Variants in RANBP2 observed in about 807,000 individuals in gnomAD.
RANBP2 encodes the protein E3 SUMO-protein ligase RanBP2.
In RANBP2, 57 loss-of-function variants were observed where a neutral mutation model predicts 303.6. The ratio of observed to expected loss-of-function variants is 0.19; its 90% CI spans 0.15 to 0.23. RANBP2 has a LOEUF of 0.23. RANBP2 is among the 10% of genes least tolerant of loss of function. The pLI is 1.00. For synonymous variants in RANBP2, 1,167 were observed against 1,301.5 expected, an observed-to-expected ratio of 0.90 and a Z score of 2.23; for missense variants, 3,138 against 3,780.8, an observed-to-expected ratio of 0.83 and a Z score of 4.46.
At chr2:108,814,304 C>T in the RANBP2 span, among the ~76,000 whole-genome samples, 232 of 152,204 alleles carry the variant, frequency 1.5e-3, no homozygotes, top group Middle Eastern at 6.8e-3. Context: ...CATTTTGACC[C>T]TTCCAGTGGG....
the RANBP2 span, among the ~76,000 whole-genome samples, chr2:108,893,799 C>CTTA: frequency 6.6e-6 from 1 of 152,138 alleles, no homozygotes; most frequent in African/African-American, 2.4e-5. Flanking sequence ...TGGCACCACC[C>CTTA]TTATTATCCT....
At chr2:109,442,640 C>T in the RANBP2 span, among the ~76,000 whole-genome samples, 3 of 152,044 alleles carry the variant, frequency 2.0e-5, no homozygotes, top group African/African-American at 7.2e-5. Context: ...TACTATGAAT[C>T]TTTATGTTAT....
the RANBP2 span, among the ~76,000 whole-genome samples, chr2:109,158,013 A>G: frequency 6.6e-6 from 1 of 152,252 alleles, no homozygotes; most frequent in East Asian, 1.9e-4. Flanking sequence ...GGTATGTTCT[A>G]GTTCTGGGCT....
chr2:109,574,850 A>G, the RANBP2 span: 14 of 924,816 alleles, frequency 1.5e-5, no homozygotes, highest in South Asian at 2.6e-5. Flanking sequence ...TTTGAGGTCT[A>G]TATTTTCACT....
chr2:109,603,604 C>T, the RANBP2 span, among the ~76,000 whole-genome samples: 182 of 152,060 alleles, frequency 1.2e-3, 1 homozygote, highest in African/African-American at 4.1e-3. Context: ...TATTGTGGAT[C>T]GAAGCTGTAT....
chr2:109,719,267 T>G, the RANBP2 span, among the ~76,000 whole-genome samples: 1 of 149,948 alleles, frequency 6.7e-6, no homozygotes, highest in Non-Finnish European at 1.5e-5. Flanking sequence ...CGGCTAATTT[T>G]TTTTGTATTT....
At chr2:108,935,450 G>C in the RANBP2 span, among the ~76,000 whole-genome samples, 2 of 152,200 alleles carry the variant, frequency 1.3e-5, no homozygotes, top group Non-Finnish European at 2.9e-5. Context: ...GGTGGTCTGT[G>C]TGCACATTAA....
At chr2:108,799,213 T>C in the RANBP2 span, among the ~76,000 whole-genome samples, 1 of 152,210 alleles carries the variant, frequency 6.6e-6, no homozygotes, top group East Asian at 1.9e-4. Flanking sequence ...TTTGCCTGAT[T>C]GCTTCGTAAC....
chr2:109,197,389 T>C, the RANBP2 span, among the ~76,000 whole-genome samples: 12 of 152,218 alleles, frequency 7.9e-5, no homozygotes, highest in Admixed American at 7.8e-4. Context: ...CCTCTGCCAC[T>C]TGCAAGCTGT....
the RANBP2 span, among the ~76,000 whole-genome samples, chr2:109,560,007 G>A: frequency 7.0e-6 from 1 of 143,240 alleles, no homozygotes; most frequent in African/African-American, 2.6e-5. Context: ...CGCAAGCTCT[G>A]CCTCCTAGGT....
chr2:108,858,329 G>A, the RANBP2 span, among the ~76,000 whole-genome samples: 6 of 152,246 alleles, frequency 3.9e-5, no homozygotes, highest in African/African-American at 1.4e-4. Flanking sequence ...GGGTGCCAGA[G>A]TAAGTCTCCG....
the RANBP2 span, among the ~76,000 whole-genome samples, chr2:109,483,939 C>G: frequency 6.6e-6 from 1 of 152,178 alleles, no homozygotes. Flanking sequence ...TCAAGCCCCC[C>G]ACAACCCCCG....
chr2:109,453,799 G>A, the RANBP2 span, among the ~76,000 whole-genome samples: 1 of 152,188 alleles, frequency 6.6e-6, no homozygotes, highest in African/African-American at 2.4e-5. Context: ...GGGAACAGAG[G>A]GTCACCGACA....
chr2:109,565,173 T>C, the RANBP2 span, among the ~76,000 whole-genome samples: 1 of 151,730 alleles, frequency 6.6e-6, no homozygotes, highest in Non-Finnish European at 1.5e-5. Flanking sequence ...AAATGTTATA[T>C]TTTCTCAATT....
the RANBP2 span, among the ~76,000 whole-genome samples, chr2:109,718,602 G>C: frequency 1.3e-5 from 2 of 152,214 alleles, no homozygotes; most frequent in African/African-American, 2.4e-5. Context: ...CAGCTAACAA[G>C]TACCAGGTTT....
the RANBP2 span, among the ~76,000 whole-genome samples, chr2:109,476,354 C>T: frequency 1.3e-5 from 2 of 152,178 alleles, no homozygotes; most frequent in Non-Finnish European, 2.9e-5. Context: ...TGTGCCTAAC[C>T]CCAAGGGGAG....
At chr2:109,402,568 C>A in the RANBP2 span, among the ~76,000 whole-genome samples, 32 of 152,340 alleles carry the variant, frequency 2.1e-4, 1 homozygote, top group Admixed American at 1.7e-3. Context: ...CAGTGCTGGC[C>A]CCAGCAAGGG....
At chr2:109,135,640 G>A in the RANBP2 span, among the ~76,000 whole-genome samples, 7 of 152,058 alleles carry the variant, frequency 4.6e-5, no homozygotes, top group African/African-American at 1.4e-4. Context: ...GGGTGTGTGC[G>A]TGTACGTGTG....
chr2:109,063,047 G>A, the RANBP2 span, among the ~76,000 whole-genome samples: 1 of 152,158 alleles, frequency 6.6e-6, no homozygotes. Context: ...TCTTGGCAGC[G>A]CCTTCCTCGC....
Sources: gnomAD v4.1 joint callset for allele counts (sites outside exome capture counted in the v4.1 genomes callset) on GRCh38, gnomAD v4.1.1 for gene constraint, MANE v1.5 for transcripts, NCBI Gene and HGNC (gene_info 2026-07-23, HGNC 2026-07-21) for gene names.